The following BCAS3 variants were observed in gnomAD, a reference collection of about 807,000 sequenced individuals.
The protein encoded by BCAS3 is BCAS4/BCAS3 fusion.
A neutral mutation model predicts 116.1 loss-of-function variants in BCAS3; 53 were observed. That is an observed-to-expected ratio of 0.46 (90% CI 0.37 to 0.57). The LOEUF (loss-of-function observed/expected upper bound fraction) is 0.57, where lower values mean the gene tolerates loss of function less well. Among genes scored for constraint, BCAS3 ranks in the 20% least tolerant of loss-of-function variants. BCAS3 has a pLI of 0.00. For missense variants in BCAS3, 917 were observed against 1,165.4 expected (o/e 0.79, Z 3.10); for synonymous variants, 391 against 408.2 (o/e 0.96, Z 0.51).
In BCAS3 at chr17:61,017,565, G is replaced by A. The variant is rs1395357525; in HGVS notation, c.1637+1664G>A. Among the ~76,000 whole-genome samples, 1 of 152,114 alleles carries A rather than the reference G, an allele frequency of 6.6e-6. No individual in the cohort carries two copies. The highest frequency in any genetic ancestry group is 1.5e-5 in the Non-Finnish European group (1 of 68,014). ...TATTCTGGTGCTTTGTTTCTGGTGC[G>A]TGTTTATTTAATTTTAACATAAGAG... On this transcript the variant is annotated intron_variant, in intron 16 of 23. Coordinates refer to ENST00000407086, the MANE Select transcript of BCAS3 (RefSeq NM_017679.5). The surrounding 1 kb of genome is among the most constrained non-coding windows in gnomAD (Gnocchi z 4.7).
rs954343207 is a variant in BCAS3 at position 61,019,372 on chromosome 17, A to G, written c.1637+3471A>G. 6.6e-6 allele frequency among the ~76,000 whole-genome samples: 1 copy of G among 151,970 alleles called. No homozygotes were observed. The highest frequency in any genetic ancestry group is 1.5e-5 in the Non-Finnish European group (1 of 68,002). On this transcript the variant is annotated intron_variant, in intron 16 of 23. Coordinates refer to ENST00000407086, the MANE Select transcript of BCAS3 (RefSeq NM_017679.5). This position sits in a 1 kb window ranked among gnomAD's most constrained non-coding sequence, Gnocchi z 5.6. ...AAGGTTGGGGATCGCTCCTTAAGCC[A>G]CTCTCTGAAGAGTTTGTTGATTATA...
At chr17:61,158,658 A>G (rs73991499) in intron 22 of BCAS3, among the ~76,000 whole-genome samples, 2,627 of 152,292 alleles carry the variant, frequency 0.017, 85 homozygotes, top group African/African-American at 0.059. Context: ...ATAGCGGGTT[A>G]ACTGATAATG....
In BCAS3 at chr17:61,300,073, A is replaced by G. The variant is rs529757447; in HGVS notation, c.2426-68254A>G. Among the ~76,000 whole-genome samples, 40 of 152,282 alleles carry G rather than the reference A, an allele frequency of 2.6e-4. No homozygotes were observed. The East Asian group carries it at 7.0e-3, about 26-fold the overall frequency. ...GACAAATCAGTTTATTAAAATTGTA[A>G]ATGTAACCCAGAGCTGTTTAGTACA... On this transcript the variant is annotated intron_variant, in intron 22 of 23. Transcript: ENST00000407086. This position sits in a 1 kb window ranked among gnomAD's most constrained non-coding sequence, Gnocchi z 5.1.
rs2075581661 is a variant in BCAS3 at position 61,118,069 on chromosome 17, T to C, written c.2425+33505T>C. On this transcript the variant is annotated intron_variant, in intron 22 of 23. Transcript: ENST00000407086. The surrounding 1 kb of genome is among the most constrained non-coding windows in gnomAD (Gnocchi z 5.0). ...TATGATATCTTGCTGGCTGGAAGTATGTTGAATCATTTTCAGTTGAAAGCT... is the reference window on the plus strand; with the variant it reads ...TATGATATCTTGCTGGCTGGAAGTACGTTGAATCATTTTCAGTTGAAAGCT... Among the ~76,000 whole-genome samples the C allele has an allele frequency of 1.3e-5, 2 of 152,202 alleles. No homozygotes were observed. Among genetic ancestry groups the C allele is most frequent in the Admixed American group, 1.3e-4 (2 of 15,278 alleles).
intron 5 of BCAS3, among the ~76,000 whole-genome samples, chr17:60,736,486 T>C (rs1225715179): frequency 6.6e-6 from 1 of 152,040 alleles, no homozygotes; most frequent in Non-Finnish European, 1.5e-5. Flanking sequence ...ACACACAGCC[T>C]AACGTCTTTT....
At chr17:60,877,062 G>A (rs1297176572) in intron 9 of BCAS3, among the ~76,000 whole-genome samples, 1 of 151,990 alleles carries the variant, frequency 6.6e-6, no homozygotes, top group Non-Finnish European at 1.5e-5. Flanking sequence ...AAAATGTAGT[G>A]CTTCTCTGTC....
intron 6 of BCAS3, among the ~76,000 whole-genome samples, chr17:60,791,884 G>T (rs902705463): frequency 2.0e-5 from 3 of 152,050 alleles, no homozygotes; most frequent in African/African-American, 7.2e-5. Context: ...CAGCACTTTG[G>T]GGGGCTGAGG....
intron 14 of BCAS3, among the ~76,000 whole-genome samples, chr17:60,971,065 G>T (rs1231394620): frequency 6.6e-6 from 1 of 152,212 alleles, no homozygotes; most frequent in Non-Finnish European, 1.5e-5. Flanking sequence ...CTGTAGGCTT[G>T]ATAAGCAGCT....
In BCAS3 at chr17:61,367,313, G is replaced by A. The variant is rs1359591815; in HGVS notation, c.2426-1014G>A. 1.3e-5 allele frequency among the ~76,000 whole-genome samples: 2 copies of A among 152,242 alleles called. No individual in the cohort carries two copies. The highest frequency in any genetic ancestry group is 1.9e-4 in the East Asian group (1 of 5,206). On this transcript the variant is annotated intron_variant, in intron 22 of 23. Coordinates refer to ENST00000407086, the MANE Select transcript of BCAS3 (RefSeq NM_017679.5). The surrounding 1 kb of genome is among the most constrained non-coding windows in gnomAD (Gnocchi z 6.2). ...TGGTATGTGCTTAAAGCAACAGAGC[G>A]TGACTATAATCTCCTTCCGAGAGAG... is the stretch of plus-strand genomic sequence containing the variant.
chr17:61,027,570 C>T (rs996288370), intron 16 of BCAS3: 2 of 251,790 alleles, frequency 7.9e-6, no homozygotes, highest in African/African-American at 2.3e-5. Flanking sequence ...GAAAAGAATT[C>T]GAATATATTT....
chr17:61,179,290 T>TA (rs1555765504), intron 22 of BCAS3, among the ~76,000 whole-genome samples: 9 of 151,212 alleles, frequency 6.0e-5, no homozygotes, highest in Admixed American at 3.3e-4. Flanking sequence ...TTTTTTTTTT[T>TA]AATCTACAAT....
rs750124829 is a variant in BCAS3, at chr17:61,200,816, G to A, written c.2425+116252G>A. The stretch of plus-strand genomic sequence containing the variant: ...TTGTACTGAAATTCCAAATAGAATT[G>A]GAAAATGTACTTTTTTGATGGGCTA... On this transcript the variant is annotated intron_variant, in intron 22 of 23. Transcript: ENST00000407086. This position sits in a 1 kb window ranked among gnomAD's most constrained non-coding sequence, Gnocchi z 5.1. Among the ~76,000 whole-genome samples, 14 of 152,128 alleles carry A rather than the reference G, an allele frequency of 9.2e-5. No homozygotes were observed. The highest frequency in any genetic ancestry group is 2.1e-4 in the Non-Finnish European group (14 of 68,022).
rs193246680 is a variant in BCAS3, at chr17:61,343,996, G to A, written c.2426-24331G>A. ...ATGTGGGCTTGGGTAGAGTTGGCCA[G>A]ATGAAATGTGGTTGGCAAGAAGGTC... On this transcript the variant is annotated intron_variant, in intron 22 of 23. Transcript: ENST00000407086. The surrounding 1 kb of genome is among the most constrained non-coding windows in gnomAD (Gnocchi z 5.5). Among the ~76,000 whole-genome samples, 29 of 152,286 alleles carry A rather than the reference G, an allele frequency of 1.9e-4. 1 individual carries two copies. The East Asian group carries it at 2.9e-3, about 15-fold the overall frequency.
intron 22 of BCAS3, among the ~76,000 whole-genome samples, chr17:61,298,861 C>T (rs916090298): frequency 1.3e-5 from 2 of 151,422 alleles, no homozygotes; most frequent in African/African-American, 4.9e-5. Flanking sequence ...CTTGCCCTGT[C>T]GCCTAGGCTG....
chr17:60,970,385 A>G (rs1418133874), intron 14 of BCAS3, among the ~76,000 whole-genome samples: 1 of 152,196 alleles, frequency 6.6e-6, no homozygotes, highest in African/African-American at 2.4e-5. Context: ...GTATATCAAA[A>G]TTCAACCATA....
intron 22 of BCAS3, among the ~76,000 whole-genome samples, chr17:61,358,017 G>A (rs113098846): frequency 1.2e-3 from 189 of 151,816 alleles, no homozygotes; most frequent in African/African-American, 4.2e-3. Context: ...GAGCCCGGGG[G>A]GCAGAGGTTA....
chr17:60,754,429 G>A (rs975394897), intron 6 of BCAS3, among the ~76,000 whole-genome samples: 1 of 151,788 alleles, frequency 6.6e-6, no homozygotes, highest in Non-Finnish European at 1.5e-5. Flanking sequence ...CGGAGATGGG[G>A]TCCCACTGTG....
chr17:60,827,593 T>C lies in BCAS3; in HGVS notation c.476+19517T>C, dbSNP rs79926281. On this transcript the variant is annotated intron_variant, in intron 7 of 23. Coordinates refer to ENST00000407086, the MANE Select transcript of BCAS3 (RefSeq NM_017679.5). Reference sequence around the variant, plus strand: ...GTCTTTATTGAGGTATATGGAAATATGATGAACGGCATATATTTAAAGTGT... The same window carrying C: ...GTCTTTATTGAGGTATATGGAAATACGATGAACGGCATATATTTAAAGTGT... Among the ~76,000 whole-genome samples, 532 of 152,352 alleles carry C rather than the reference T, an allele frequency of 3.5e-3. 10 individuals carry two copies. The East Asian group carries it at 0.074, about 21-fold the overall frequency.
At chr17:60,686,516 AATTT>A (rs1011267832) in intron 3 of BCAS3, among the ~76,000 whole-genome samples, 11 of 151,970 alleles carry the variant, frequency 7.2e-5, no homozygotes, top group Non-Finnish European at 1.0e-4. Flanking sequence ...CACTTATGAA[AATTT>A]ATTTATTTAA....
Sources: gnomAD v4.1 joint callset for allele counts (sites outside exome capture counted in the v4.1 genomes callset) on GRCh38, gnomAD v4.1.1 for gene constraint, Gnocchi (gnomAD v3.1) non-coding constraint, MANE v1.5 for transcripts, NCBI Gene and HGNC (gene_info 2026-07-23, HGNC 2026-07-21) for gene names.